Variants in SPOCK2 observed in about 807,000 individuals in gnomAD.
The protein encoded by SPOCK2 is testican-2.
In SPOCK2, 39 loss-of-function variants were observed where a neutral mutation model predicts 60.1. The observed-to-expected ratio is 0.65, with a 90% CI of 0.50 to 0.85. The LOEUF (loss-of-function observed/expected upper bound fraction) is 0.85. SPOCK2 is among the 40% of genes least tolerant of loss of function. The pLI is 0.00. For missense variants in SPOCK2, 523 were observed against 567.4 expected (o/e 0.92, Z 0.80); for synonymous variants, 217 against 231.5 (o/e 0.94, Z 0.57).
At chr10:72,077,256 G>C (rs1840726029) in intron 1 of SPOCK2, among the ~76,000 whole-genome samples, 1 of 152,120 alleles carries the variant, frequency 6.6e-6, no homozygotes, top group Admixed American at 6.5e-5. Flanking sequence ...AAGTACCTGG[G>C]AGCACAGGCA....
intron 4 of SPOCK2, among the ~76,000 whole-genome samples, chr10:72,070,984 G>C (rs1173279786): frequency 6.6e-6 from 1 of 152,114 alleles, no homozygotes; most frequent in African/African-American, 2.4e-5. Context: ...CCACACCTGT[G>C]CTCCACAGAG....
intron 1 of SPOCK2, among the ~76,000 whole-genome samples, chr10:72,077,032 TGGCCCAC>T (rs1840723395): frequency 6.6e-6 from 1 of 152,230 alleles, no homozygotes; most frequent in African/African-American, 2.4e-5. Flanking sequence ...ACTTTCAGCC[TGGCCCAC>T]GGTGTGTCCT....
At chr10:72,067,494 A>G in intron 7 of SPOCK2, 119 bp downstream of exon 7, 1 of 1,511,228 alleles carries the variant, frequency 6.6e-7, no homozygotes, top group Non-Finnish European at 8.9e-7. Context: ...TGGGGCCCAG[A>G]TTGTAGGGCC....
Position 72,062,722 on chromosome 10 carries a change from C to T in SPOCK2, c.*38G>A, listed in dbSNP as rs1840508004. 6.3e-7 allele frequency: 1 copy of T among 1,580,768 alleles called. No homozygotes were observed. The highest frequency in any genetic ancestry group is 8.5e-7 in the Non-Finnish European group (1 of 1,171,280). On this transcript the variant is annotated 3_prime_UTR_variant, in exon 11 of 11. Transcript: ENST00000373109. This position sits in a 1 kb window ranked among gnomAD's most constrained non-coding sequence, Gnocchi z 4.3. Reference sequence around the variant, plus strand: ...TTGCCTGCTGCTGCTCAGAGCTCTGCTGTTGAGTCCCCCCCGGCAGCCGGC... The same window carrying T: ...TTGCCTGCTGCTGCTCAGAGCTCTGTTGTTGAGTCCCCCCCGGCAGCCGGC...
At position 72,062,884 on chromosome 10, in the gene SPOCK2, C is replaced by A; in HGVS notation, c.1151G>T (p.Gly384Val). The change falls in exon 11 of 11, where the codon GGG (glycine) becomes GTG (valine). Residue 384 changes from glycine (G) to valine (V), a missense_variant. Gly to Val is a moderately radical substitution (Grantham distance 109). Transcript: ENST00000373109. This position sits in a 1 kb window ranked among gnomAD's most constrained non-coding sequence, Gnocchi z 4.3. ...PDCDDIVGFSGDFGSGVGWED... is the reference protein window; with the variant it reads ...PDCDDIVGFSVDFGSGVGWED... ...CCAGCCGACACCGCTTCCAAAGTCC[C>A]CCGAGAAGCCCACGATGTCATCTGT... 1 of 1,599,442 alleles carries A rather than the reference C, an allele frequency of 6.3e-7. No individual in the cohort carries two copies. The highest frequency in any genetic ancestry group is 8.5e-7 in the Non-Finnish European group (1 of 1,175,014).
intron 8 of SPOCK2, among the ~76,000 whole-genome samples, chr10:72,064,624 C>T (rs542669047): frequency 1.1e-4 from 17 of 152,332 alleles, no homozygotes; most frequent in African/African-American, 2.6e-4. Flanking sequence ...TACAGCCACG[C>T]GCTACACAAC....
chr10:72,074,738 G>C (rs1427626523), intron 1 of SPOCK2, among the ~76,000 whole-genome samples: 1 of 152,206 alleles, frequency 6.6e-6, no homozygotes, highest in African/African-American at 2.4e-5. Flanking sequence ...GAGGACCGCA[G>C]ACTGCTCCCG....
At chr10:72,077,205 C>A (rs573720154) in intron 1 of SPOCK2, among the ~76,000 whole-genome samples, 1 of 152,214 alleles carries the variant, frequency 6.6e-6, no homozygotes, top group South Asian at 2.1e-4. Context: ...ACTGTAGCCC[C>A]GAACTCCCAG....
At chr10:72,066,791 G>T in intron 8 of SPOCK2, 111 bp downstream of exon 8, 2 of 1,241,684 alleles carry the variant, frequency 1.6e-6, no homozygotes, top group Non-Finnish European at 1.1e-6. Context: ...GAAAGTGCTG[G>T]GCCTGGGGAC....
chr10:72,067,297 C>T (rs1189253638), intron 7 of SPOCK2, among the ~76,000 whole-genome samples, 177 bp from the exon 8 acceptor site: 5 of 152,238 alleles, frequency 3.3e-5, no homozygotes, highest in East Asian at 1.9e-4. Context: ...TCCACCTCCA[C>T]ATAGGACTAT....
chr10:72,073,024 C>G, intron 1 of SPOCK2, 114 bp from the exon 2 acceptor site: 2 of 1,451,698 alleles, frequency 1.4e-6, no homozygotes, highest in Non-Finnish European at 1.9e-6. Context: ...CCTGCCTCAT[C>G]ATGTGGCCGA....
chr10:72,068,101 C>T (rs146501438), intron 6 of SPOCK2, 86 bp downstream of exon 6: 89 of 1,455,658 alleles, frequency 6.1e-5, no homozygotes, highest in East Asian at 4.9e-4. Context: ...TTGCTCTGCA[C>T]ACCTCTTCTA....
At chr10:72,073,364 TGTGA>T (rs1472073476) in intron 1 of SPOCK2, among the ~76,000 whole-genome samples, 1 of 152,174 alleles carries the variant, frequency 6.6e-6, no homozygotes, top group Non-Finnish European at 1.5e-5. Flanking sequence ...CTGCCCACCA[TGTGA>T]GTGAGGTGGG....
intron 1 of SPOCK2, among the ~76,000 whole-genome samples, chr10:72,085,028 G>A (rs1183541281): frequency 4.6e-5 from 7 of 152,170 alleles, no homozygotes; most frequent in Admixed American, 1.3e-4. Context: ...TCAGCTCTTC[G>A]TAGCCAAGCT....
chr10:72,082,853 CAAAAAAAAAAAAA>C (rs770751183), intron 1 of SPOCK2, among the ~76,000 whole-genome samples: 1 of 46,016 alleles, frequency 2.2e-5, no homozygotes, highest in Non-Finnish European at 3.8e-5. Context: ...GACCCTGTCT[CAAAAAAAAAAAAA>C]AAAAAAAAAA....
Position 72,088,275 on chromosome 10 carries a change from C to T in SPOCK2, c.54G>A (p.Ala18=). ...RLVLPLLLLA[A]AALAEGDAKG... The stretch of plus-strand genomic sequence containing the variant: ...TGGCGTCGCCTTCGGCCAGGGCTGC[C>T]GCGGCCAGGAGCAGCAGCGGCAGCA... Residue 18 remains alanine (A), a synonymous_variant, in exon 1 of 11, where the codon GCG becomes GCA. Transcript: ENST00000373109. The T allele has an allele frequency of 1.2e-6, 2 of 1,605,232 alleles. No homozygotes were observed. The highest frequency in any genetic ancestry group is 1.1e-5 in the South Asian group (1 of 90,394).
At chr10:72,076,149 C>T (rs1031186951) in intron 1 of SPOCK2, among the ~76,000 whole-genome samples, 47 of 151,974 alleles carry the variant, frequency 3.1e-4, no homozygotes, top group African/African-American at 1.1e-3. Flanking sequence ...AGAAGGGATA[C>T]GAGGAGAGTC....
chr10:72,080,047 GA>G (rs759808410), intron 1 of SPOCK2, among the ~76,000 whole-genome samples: 38 of 152,226 alleles, frequency 2.5e-4, no homozygotes, highest in Non-Finnish European at 4.7e-4. Context: ...CAGGACACCT[GA>G]ACCCCGGGTT....
chr10:72,084,916 G>A (rs540826728), intron 1 of SPOCK2, among the ~76,000 whole-genome samples: 16 of 152,132 alleles, frequency 1.1e-4, no homozygotes, highest in Non-Finnish European at 1.5e-4. Flanking sequence ...TGAACTGTGC[G>A]CCTCCTGGGT....
Sources: gnomAD v4.1 joint callset for allele counts (sites outside exome capture counted in the v4.1 genomes callset) on GRCh38, gnomAD v4.1.1 for gene constraint, Gnocchi (gnomAD v3.1) non-coding constraint, MANE v1.5 for transcripts, NCBI Gene and HGNC (gene_info 2026-07-23, HGNC 2026-07-21) for gene names.